MLLT10: variants seen among roughly 807,000 people sequenced by gnomAD.
MLLT10 encodes the protein MLLT10 histone lysine methyltransferase DOT1L cofactor.
A neutral mutation model predicts 129.1 loss-of-function variants in MLLT10; 30 were observed. That is an observed-to-expected ratio of 0.23 (90% CI 0.17 to 0.32). The LOEUF (loss-of-function observed/expected upper bound fraction) is 0.32. MLLT10 is among the 10% of genes least tolerant of loss of function. MLLT10 has a pLI of 1.00. For synonymous variants in MLLT10, 490 were observed against 446.4 expected, an observed-to-expected ratio of 1.10 and a Z score of -1.23; for missense variants, 1,119 against 1,268.3, an observed-to-expected ratio of 0.88 and a Z score of 1.79.
At chr10:21,685,054 C>T (rs570737263) in intron 13 of MLLT10, among the ~76,000 whole-genome samples, 33 of 152,024 alleles carry the variant, frequency 2.2e-4, no homozygotes, top group African/African-American at 8.0e-4. Flanking sequence ...TCTGGGTTCT[C>T]ATATGTGATG....
intron 14 of MLLT10, among the ~76,000 whole-genome samples, chr10:21,721,202 T>TA (rs1211450778): frequency 2.0e-5 from 3 of 151,826 alleles, no homozygotes; most frequent in Non-Finnish European, 2.9e-5. Flanking sequence ...AATTGTGCAT[T>TA]AAAAAAAATG....
At chr10:21,634,158 T>G (rs903348284) in intron 8 of MLLT10, among the ~76,000 whole-genome samples, 1 of 152,126 alleles carries the variant, frequency 6.6e-6, no homozygotes, top group African/African-American at 2.4e-5. Flanking sequence ...GAGAATCACT[T>G]GAACCCAGGA....
chr10:21,547,270 T>C (rs181369067), intron 3 of MLLT10, among the ~76,000 whole-genome samples: 1 of 152,286 alleles, frequency 6.6e-6, no homozygotes, highest in Non-Finnish European at 1.5e-5. Context: ...ACATGCATAC[T>C]TAATGTTTTT....
intron 18 of MLLT10, among the ~76,000 whole-genome samples, 194 bp from the exon 19 acceptor site, chr10:21,733,310 G>A (rs1011224861): frequency 2.0e-5 from 3 of 151,942 alleles, no homozygotes; most frequent in Non-Finnish European, 2.9e-5. Context: ...TAATGATCTC[G>A]TTATTGATTT....
At chr10:21,624,532 A>T (rs1248049470) in intron 8 of MLLT10, 2 of 1,058,028 alleles carry the variant, frequency 1.9e-6, no homozygotes, top group East Asian at 5.5e-5. Flanking sequence ...TTTTTTGAAG[A>T]ATGTAGATCT....
intron 10 of MLLT10, among the ~76,000 whole-genome samples, chr10:21,672,324 A>G (rs1215102174): frequency 6.6e-6 from 1 of 151,882 alleles, no homozygotes; most frequent in Admixed American, 6.6e-5. Context: ...CAGACCCTCA[A>G]TTAGCTTTTG....
chr10:21,581,031 T>C (rs1445789976), intron 3 of MLLT10, among the ~76,000 whole-genome samples: 2 of 151,606 alleles, frequency 1.3e-5, no homozygotes, highest in Non-Finnish European at 2.9e-5. Flanking sequence ...TATTTTCTTT[T>C]AATGTTCAGT....
chr10:21,679,725 G>A (rs1373653608), intron 11 of MLLT10, among the ~76,000 whole-genome samples: 1 of 152,100 alleles, frequency 6.6e-6, no homozygotes, highest in Non-Finnish European at 1.5e-5. Flanking sequence ...TGAGACCATA[G>A]TATTTGGAAT....
chr10:21,685,148 T>G (rs2053175036), intron 13 of MLLT10, among the ~76,000 whole-genome samples: 1 of 152,214 alleles, frequency 6.6e-6, no homozygotes, highest in Admixed American at 6.5e-5. Flanking sequence ...GTCATATTTA[T>G]CTCACATTTG....
intron 13 of MLLT10, among the ~76,000 whole-genome samples, chr10:21,696,769 A>T (rs2054400535): frequency 6.6e-6 from 1 of 152,088 alleles, no homozygotes. Flanking sequence ...TCTGGCCAGA[A>T]TTTGGTACTT....
At position 21,709,146 on chromosome 10, in the gene MLLT10, C is replaced by T. The variant is rs115673956; in HGVS notation, c.1700-4626C>T. ...ATTTCAGCATGCTGCCTCCAGCTAACTTTTGTTTTCTAATTTTAGAAATTG... is the reference window on the plus strand; with the variant it reads ...ATTTCAGCATGCTGCCTCCAGCTAATTTTTGTTTTCTAATTTTAGAAATTG... On this transcript the variant is annotated intron_variant, in intron 13 of 22. Transcript: ENST00000307729. Among the ~76,000 whole-genome samples the T allele has an allele frequency of 4.4e-3, 662 of 151,916 alleles. 8 individuals are homozygous for T. Among genetic ancestry groups the T allele is most frequent in the African/African-American group, 0.015 (628 of 41,436 alleles).
chr10:21,668,790 G>A, intron 9 of MLLT10: 1 of 402,008 alleles, frequency 2.5e-6, no homozygotes, highest in Non-Finnish European at 3.4e-6. Context: ...ATGTGGAAGT[G>A]AATAGCGTAT....
chr10:21,535,010 ACT>A (rs1014140112), intron 2 of MLLT10, among the ~76,000 whole-genome samples: 9 of 146,482 alleles, frequency 6.1e-5, no homozygotes, highest in African/African-American at 1.8e-4. Flanking sequence ...TTCCGCTCTC[ACT>A]CTCTCAAGTG....
chr10:21,692,972 T>C (rs572654119), intron 13 of MLLT10, among the ~76,000 whole-genome samples: 18 of 152,212 alleles, frequency 1.2e-4, no homozygotes, highest in African/African-American at 3.9e-4. Context: ...TGATACTTTT[T>C]CCCCCACTAA....
chr10:21,649,698 G>A (rs534789044), intron 8 of MLLT10, among the ~76,000 whole-genome samples: 1 of 152,208 alleles, frequency 6.6e-6, no homozygotes, highest in Non-Finnish European at 1.5e-5. Context: ...TATGAGTAGA[G>A]TGTGGAATGA....
chr10:21,697,370 G>T (rs1023052224), intron 13 of MLLT10, among the ~76,000 whole-genome samples: 2 of 152,170 alleles, frequency 1.3e-5, no homozygotes, highest in Non-Finnish European at 1.5e-5. Context: ...GGAGGCCGAG[G>T]CAGGAGAATC....
intron 22 of MLLT10, 46 bp downstream of exon 22, chr10:21,740,282 T>C (rs1309043435): frequency 6.3e-7 from 1 of 1,578,006 alleles, no homozygotes; most frequent in Non-Finnish European, 8.7e-7. Flanking sequence ...AGAACTGTAT[T>C]GATTAATCGG....
chr10:21,543,572 G>A (rs1299657867), intron 3 of MLLT10, among the ~76,000 whole-genome samples: 1 of 152,112 alleles, frequency 6.6e-6, no homozygotes, highest in Non-Finnish European at 1.5e-5. Flanking sequence ...TCCGCCTCCC[G>A]GGTTCAAGCG....
Position 21,534,306 on chromosome 10 carries a change from G to GCCCCCCCCCCCCCCC in MLLT10, c.-208_-207insCCCCCCCCCCCCCCC. The stretch of plus-strand genomic sequence containing the variant: ...CCTCGCTGCCCCTGGCCCAGCGGGA[G>GCCCCCCCCCCCCCCC]CCCCCCCTCCCCCCAGTGCGCCTGT... On this transcript the variant is annotated 5_prime_UTR_variant, in exon 1 of 23. Transcript: ENST00000307729. The GCCCCCCCCCCCCCCC allele has an allele frequency of 9.1e-6, 3 of 328,440 alleles. No homozygotes were observed. Among genetic ancestry groups the GCCCCCCCCCCCCCCC allele is most frequent in the Admixed American group, 5.4e-5 (1 of 18,450 alleles). The allele number at this position is 328,440 out of a possible 1,614,324, so 20.3% of individuals were successfully genotyped here. A position where few individuals can be genotyped will look rare whatever the true frequency, so the allele number is the denominator to read the frequency against.
Sources: gnomAD v4.1 joint callset for allele counts (sites outside exome capture counted in the v4.1 genomes callset) on GRCh38, gnomAD v4.1.1 for gene constraint, MANE v1.5 for transcripts, NCBI Gene and HGNC (gene_info 2026-07-23, HGNC 2026-07-21) for gene names.